The following RPL31 variants were observed in gnomAD, a reference collection of about 807,000 sequenced individuals.
The protein encoded by RPL31 is large ribosomal subunit protein eL31.
For missense variants in RPL31, 95 were observed against 164.0 expected, an observed-to-expected ratio of 0.58 and a Z score of 2.30; for synonymous variants, 51 against 55.0, an observed-to-expected ratio of 0.93 and a Z score of 0.32.
chr2:101,002,520 C>T, intron 1 of RPL31, 182 bp from the exon 2 acceptor site: 1 of 616,544 alleles, frequency 1.6e-6, no homozygotes, highest in South Asian at 2.0e-5. Context: ...CAGGGATTTC[C>T]GGGTCGGAGG....
downstream of RPL31, chr2:101,011,566 TTAAAC>T (rs772614812): frequency 7.1e-5 from 115 of 1,612,468 alleles, no homozygotes; most frequent in Non-Finnish European, 8.7e-5. Context: ...GAGGTTTAAA[TTAAAC>T]AAATTTTCTG....
chr2:101,005,746 A>T (rs1573836415), intron 3 of RPL31: 1 of 570,906 alleles, frequency 1.8e-6, no homozygotes. Context: ...CTACCTTAAC[A>T]TGTCTTCAAA....
At chr2:101,003,545 C>T (rs1678617748) in intron 2 of RPL31, among the ~76,000 whole-genome samples, 1 of 152,170 alleles carries the variant, frequency 6.6e-6, no homozygotes, top group African/African-American at 2.4e-5. Context: ...CTGATGTACT[C>T]AATAGGTTGC....
Position 101,006,744 on chromosome 2 carries a change from C to T in RPL31, c.*363C>T, listed in dbSNP as rs1206147511. ...AAACAACTTTAAAATGATATACTAT[C>T]TATCTATCTATCTGTAGCATCTTAA... On this transcript the variant is annotated 3_prime_UTR_variant, in exon 5 of 5. Coordinates refer to ENST00000264258, the MANE Select transcript of RPL31 (RefSeq NM_000993.5). 1.5e-5 allele frequency: 3 copies of T among 203,516 alleles called. No homozygotes were observed. Among genetic ancestry groups the T allele is most frequent in the Non-Finnish European group, 2.9e-5 (3 of 102,614 alleles). 12.6% of individuals were successfully genotyped at this position (203,516 alleles called of 1,614,324 possible). A position where few individuals can be genotyped will look rare whatever the true frequency, so the allele number is the denominator to read the frequency against.
chr2:101,007,891 T>C (rs377378343), downstream of RPL31: 35 of 1,614,042 alleles, frequency 2.2e-5, no homozygotes, highest in South Asian at 7.7e-5. Flanking sequence ...ATTGTACTGA[T>C]TGATCTTGGC....
intron 4 of RPL31, among the ~76,000 whole-genome samples, chr2:101,015,442 T>A (rs1298961879): frequency 5.3e-5 from 8 of 152,226 alleles, no homozygotes; most frequent in Admixed American, 5.2e-4. Flanking sequence ...CAATAATAAA[T>A]TAACCTCAGC....
Position 101,006,565 on chromosome 2 carries a change from C to T in RPL31, c.*184C>T, listed in dbSNP as rs946275154. ...GGGGTTTTAAAGTGATTTCAAACTG[C>T]AACCTAGTTTTAGAACCACTGTTCT... On this transcript the variant is annotated 3_prime_UTR_variant, in exon 5 of 5. Coordinates refer to ENST00000264258, the MANE Select transcript of RPL31 (RefSeq NM_000993.5). 3.6e-6 allele frequency: 2 copies of T among 552,788 alleles called. No individual in the cohort carries two copies. Among genetic ancestry groups the T allele is most frequent in the African/African-American group, 2.0e-5 (1 of 51,098 alleles). The allele number at this position is 552,788 out of a possible 1,614,324, so 34.2% of individuals were successfully genotyped here.
chr2:101,010,465 A>G (rs1372761417), downstream of RPL31, among the ~76,000 whole-genome samples: 1 of 152,220 alleles, frequency 6.6e-6, no homozygotes, highest in Non-Finnish European at 1.5e-5. Context: ...AGCGATTTGA[A>G]TATCTGAAGT....
chr2:101,010,318 G>A (rs1454748491), downstream of RPL31, among the ~76,000 whole-genome samples: 1 of 152,130 alleles, frequency 6.6e-6, no homozygotes, highest in African/African-American at 2.4e-5. Flanking sequence ...TATTTTTGAA[G>A]GGAAGAATGC....
chr2:101,011,445 A>G (rs1257796140), downstream of RPL31: 2 of 1,613,738 alleles, frequency 1.2e-6, no homozygotes, highest in South Asian at 1.1e-5. Flanking sequence ...GAAAAGAGGT[A>G]CGTGCCATTG....
Position 101,006,060 on chromosome 2 carries a change from C to A in RPL31, c.335C>A (p.Thr112Asn), listed in dbSNP as rs148028338. 2,466 of 1,613,312 alleles carry A rather than the reference C, an allele frequency of 1.5e-3. 3 individuals carry two copies. The highest frequency in any genetic ancestry group is 1.9e-3 in the Non-Finnish European group (2,292 of 1,179,730). The part of the protein sequence containing the change: ...LYTLVTYVPV[T>N]TFKNLQTVNV... ...ACTTTGGTTACCTATGTACCTGTTA[C>A]CACTTTCAAAAGTAAGTTCTCCATC... Residue 112 changes from threonine (T) to asparagine (N), a missense_variant, in exon 4 of 5, where the codon ACC becomes AAC. Coordinates refer to ENST00000264258, the MANE Select transcript of RPL31 (RefSeq NM_000993.5).
At position 101,002,990 on chromosome 2, in the gene RPL31, A is replaced by G. The variant is rs542882478; in HGVS notation, c.107+182A>G. ...ATACATTCACAGTCTGACCAGCTGC[A>G]TTGGTCTTTCTGACCGCCCCCATTA... On this transcript the variant is annotated intron_variant, in intron 2 of 4. Coordinates refer to ENST00000264258, the MANE Select transcript of RPL31 (RefSeq NM_000993.5). 1.4e-4 allele frequency among the ~76,000 whole-genome samples: 21 copies of G among 152,270 alleles called. No individual in the cohort carries two copies. The East Asian group carries it at 4.1e-3, about 29-fold the overall frequency.
At chr2:101,007,887 C>CTGAT (rs1558961554), downstream of RPL31, 12 of 1,613,986 alleles carry the variant, frequency 7.4e-6, no homozygotes, top group South Asian at 3.3e-5. Flanking sequence ...TGAGATTGTA[C>CTGAT]TGATTGATCT....
downstream of RPL31, chr2:101,007,991 G>A: frequency 6.2e-7 from 1 of 1,614,022 alleles, no homozygotes. Flanking sequence ...ATATGTTCAA[G>A]GGAGACAGTC....
At chr2:101,011,654 CTG>C (rs764589377), downstream of RPL31, 10 of 1,112,010 alleles carry the variant, frequency 9.0e-6, no homozygotes, top group South Asian at 1.4e-5. Context: ...AGCCTGTGGA[CTG>C]TAGTTTTTGC....
intron 4 of RPL31, 46 bp downstream of exon 4, chr2:101,006,117 G>A (rs1195502862): frequency 6.3e-7 from 1 of 1,594,014 alleles, no homozygotes; most frequent in Non-Finnish European, 8.5e-7. Context: ...TTAGAAAAAT[G>A]TCCTTACCTC....
At chr2:101,008,811 TAAAA>T (rs34291098), downstream of RPL31, among the ~76,000 whole-genome samples, 53 of 145,750 alleles carry the variant, frequency 3.6e-4, no homozygotes, top group Admixed American at 6.8e-4. Flanking sequence ...AACTTTGTCT[TAAAA>T]AAAAAAAAAT....
chr2:101,018,854 G>C, intron 4 of RPL31: 3 of 1,007,116 alleles, frequency 3.0e-6, no homozygotes, highest in Non-Finnish European at 4.3e-6. Context: ...AGTCCAATTA[G>C]TATAATTAAC....
intron 4 of RPL31, among the ~76,000 whole-genome samples, chr2:101,016,295 T>C (rs1349130391): frequency 1.3e-5 from 2 of 152,086 alleles, no homozygotes; most frequent in Non-Finnish European, 2.9e-5. Flanking sequence ...AAAGAAGACA[T>C]TTATGCAGCC....
Sources: gnomAD v4.1 joint callset for allele counts (sites outside exome capture counted in the v4.1 genomes callset) on GRCh38, gnomAD v4.1.1 for gene constraint, MANE v1.5 for transcripts, NCBI Gene and HGNC (gene_info 2026-07-23, HGNC 2026-07-21) for gene names.